The following PDE10A variants were observed in gnomAD, a reference collection of about 807,000 sequenced individuals.
PDE10A encodes cAMP and cAMP-inhibited cGMP 3',5'-cyclic phosphodiesterase 10A.
Under a neutral mutation model 97.7 loss-of-function variants are expected in PDE10A, and 39 were observed. The observed-to-expected ratio is 0.40, with a 90% confidence interval of 0.31 to 0.52. The LOEUF is 0.52. Ranked by LOEUF, PDE10A falls within the 20% of genes least tolerant of loss-of-function variation. The pLI, the probability that PDE10A is intolerant of heterozygous loss-of-function variation, is 0.56. For synonymous variants in PDE10A, 371 were observed against 376.8 expected (o/e 0.98, Z 0.18); for missense variants, 731 against 1,047.8 (o/e 0.70, Z 4.17).
chr6:165,582,428 G>GT (rs1485764910), intron 1 of PDE10A, among the ~76,000 whole-genome samples: 2 of 152,150 alleles, frequency 1.3e-5, no homozygotes, highest in Non-Finnish European at 2.9e-5. Context: ...TAACAGGACT[G>GT]TATTTCAAAT....
chr6:165,577,912 A>G (rs1412215049), intron 1 of PDE10A, among the ~76,000 whole-genome samples: 1 of 152,170 alleles, frequency 6.6e-6, no homozygotes, highest in Non-Finnish European at 1.5e-5. Context: ...GAAAATACAC[A>G]AAACAAGAGA....
At chr6:165,826,245 G>A (rs1321495430) in intron 1 of PDE10A, among the ~76,000 whole-genome samples, 5 of 152,186 alleles carry the variant, frequency 3.3e-5, no homozygotes, top group Non-Finnish European at 7.4e-5. Context: ...ATTGAGGGCA[G>A]TGGCAGGATG....
At chr6:165,460,162 C>T (rs1020525776) in intron 3 of PDE10A, among the ~76,000 whole-genome samples, 10 of 152,314 alleles carry the variant, frequency 6.6e-5, no homozygotes, top group African/African-American at 1.4e-4. Context: ...AAGCTGCGAG[C>T]CTTCTGCCTG....
intron 1 of PDE10A, among the ~76,000 whole-genome samples, chr6:165,725,690 A>T (rs146992195): frequency 6.6e-6 from 1 of 152,254 alleles, no homozygotes; most frequent in Non-Finnish European, 1.5e-5. Context: ...CTTACGAAAA[A>T]AATCAACCAT....
At chr6:165,640,244 T>C (rs1789069420) in intron 1 of PDE10A, among the ~76,000 whole-genome samples, 1 of 152,160 alleles carries the variant, frequency 6.6e-6, no homozygotes, top group Non-Finnish European at 1.5e-5. Context: ...TTTACCAGTG[T>C]TTTAAAAATT....
At chr6:165,586,342 G>C (rs755156225) in intron 1 of PDE10A, among the ~76,000 whole-genome samples, 3 of 152,166 alleles carry the variant, frequency 2.0e-5, no homozygotes, top group African/African-American at 7.2e-5. Flanking sequence ...TTAAGTTACT[G>C]CACAAGTAAA....
exon 1 of PDE10A, chr6:165,987,531 G>A (rs2128505677): frequency 2.7e-6 from 1 of 364,500 alleles, no homozygotes; most frequent in South Asian, 2.1e-5. Context: ...CAACTTACCC[G>A]CCAAAGTATG....
intron 1 of PDE10A, among the ~76,000 whole-genome samples, chr6:165,647,108 A>T (rs1167659199): frequency 6.6e-6 from 1 of 152,232 alleles, no homozygotes; most frequent in Non-Finnish European, 1.5e-5. Context: ...ATTACAAAAG[A>T]AAACTGTGAT....
intron 21 of PDE10A, among the ~76,000 whole-genome samples, chr6:165,334,695 A>G (rs1781546455): frequency 6.6e-6 from 1 of 152,200 alleles, no homozygotes; most frequent in Non-Finnish European, 1.5e-5. Context: ...GCCCATTATG[A>G]CTTAGGCCTT....
intron 1 of PDE10A, among the ~76,000 whole-genome samples, chr6:165,875,731 G>GC (rs1781316216): frequency 2.1e-5 from 1 of 46,948 alleles, no homozygotes; most frequent in Admixed American, 2.4e-4. Flanking sequence ...TTCTTTTACT[G>GC]TTTTTTTTTT....
At chr6:165,357,178 T>C (rs1167961950) in intron 18 of PDE10A, among the ~76,000 whole-genome samples, 2 of 152,196 alleles carry the variant, frequency 1.3e-5, no homozygotes, top group Non-Finnish European at 2.9e-5. Flanking sequence ...GTGGTGAATT[T>C]TGGAAATGTT....
chr6:165,632,909 T>A (rs1223591270), intron 1 of PDE10A, among the ~76,000 whole-genome samples: 2 of 152,070 alleles, frequency 1.3e-5, no homozygotes, highest in African/African-American at 2.4e-5. Context: ...CAAGATGGGA[T>A]CCCAGTTCTA....
At chr6:165,428,325 T>G (rs1789310499) in intron 10 of PDE10A, among the ~76,000 whole-genome samples, 1 of 152,152 alleles carries the variant, frequency 6.6e-6, no homozygotes, top group Non-Finnish European at 1.5e-5. Flanking sequence ...CTAAGTAGAA[T>G]GAACTTGAAG....
chr6:165,630,488 G>T (rs745309243), intron 1 of PDE10A, among the ~76,000 whole-genome samples: 1 of 152,118 alleles, frequency 6.6e-6, no homozygotes, highest in African/African-American at 2.4e-5. Context: ...TTTAAAAACT[G>T]CAATTATGTC....
At chr6:165,408,890 G>A (rs1276577061) in intron 13 of PDE10A, among the ~76,000 whole-genome samples, 1 of 152,116 alleles carries the variant, frequency 6.6e-6, no homozygotes, top group Non-Finnish European at 1.5e-5. Context: ...ATGGGGCAGG[G>A]CGCGGTGGCT....
rs187004484 is a variant in PDE10A, at chr6:165,430,024, A to G, written c.1601+263T>C. Among the ~76,000 whole-genome samples, 329 of 152,250 alleles carry G rather than the reference A, an allele frequency of 2.2e-3. 1 individual carries two copies. Among genetic ancestry groups the G allele is most frequent in the African/African-American group, 7.6e-3 (314 of 41,574 alleles). On this transcript the variant is annotated intron_variant, in intron 9 of 21. Coordinates refer to ENST00000539869, the MANE Select transcript of PDE10A (RefSeq NM_001385079.1). ...AATAGAGATATTTAGTGTCTTTAAC[A>G]TATTCTCAGTCTATTTAGAAAACAT... is the stretch of plus-strand genomic sequence containing the variant.
At chr6:165,579,527 C>T (rs961641013) in intron 1 of PDE10A, among the ~76,000 whole-genome samples, 1 of 152,188 alleles carries the variant, frequency 6.6e-6, no homozygotes, top group Non-Finnish European at 1.5e-5. Context: ...CTTCAAAATT[C>T]ATCCAAAACC....
chr6:165,741,474 T>G (rs190931643), intron 1 of PDE10A, among the ~76,000 whole-genome samples: 103 of 152,338 alleles, frequency 6.8e-4, no homozygotes, highest in Admixed American at 1.2e-3. Flanking sequence ...GACAAAGATC[T>G]GGATCATCCA....
At chr6:165,762,864 G>A (rs1793284749) in intron 1 of PDE10A, among the ~76,000 whole-genome samples, 1 of 151,562 alleles carries the variant, frequency 6.6e-6, no homozygotes, top group South Asian at 2.1e-4. Flanking sequence ...ACACATTCAA[G>A]GACTTAAATT....
Sources: gnomAD v4.1 joint callset for allele counts (sites outside exome capture counted in the v4.1 genomes callset) on GRCh38, gnomAD v4.1.1 for gene constraint, MANE v1.5 for transcripts, NCBI Gene and HGNC (gene_info 2026-07-23, HGNC 2026-07-21) for gene names.